BORCS5: variants seen among roughly 807,000 people sequenced by gnomAD.
BORCS5 encodes the protein BLOC-1-related complex subunit 5.
A neutral mutation model predicts 22.1 loss-of-function variants in BORCS5; 17 were observed. That is an observed-to-expected ratio of 0.77 (90% confidence interval 0.53 to 1.15). The LOEUF (loss-of-function observed/expected upper bound fraction) is 1.15, where lower values mean the gene tolerates loss of function less well. BORCS5 is among the 50% of genes most tolerant of loss of function. BORCS5 has a pLI of 0.00. For synonymous variants in BORCS5, 117 were observed against 99.8 expected, an observed-to-expected ratio of 1.17 and a Z score of -1.03; for missense variants, 247 against 253.2, an observed-to-expected ratio of 0.98 and a Z score of 0.17.
chr12:12,373,408 A>G (rs903192996), intron 2 of BORCS5, among the ~76,000 whole-genome samples: 1 of 152,176 alleles, frequency 6.6e-6, no homozygotes, highest in African/African-American at 2.4e-5. Flanking sequence ...AAGCTGGGAA[A>G]ATGGTAGGGC....
rs1405621824 is a variant in BORCS5 at position 12,471,016 on chromosome 12, A to G, written c.*5240A>G. Among the ~76,000 whole-genome samples the G allele has an allele frequency of 6.6e-6, 1 of 152,168 alleles. No individual in the cohort carries two copies. The highest frequency in any genetic ancestry group is 1.5e-5 in the Non-Finnish European group (1 of 68,028). ...CATTCTGGTCTTTGGAATTGTCATA[A>G]TTCTGACAGAGAACACAGACCATTA... On this transcript the variant is annotated 3_prime_UTR_variant, in exon 4 of 4. Coordinates refer to ENST00000314565, the MANE Select transcript of BORCS5 (RefSeq NM_058169.6).
intron 2 of BORCS5, among the ~76,000 whole-genome samples, chr12:12,421,271 T>G (rs1339023406): frequency 6.6e-6 from 1 of 152,176 alleles, no homozygotes; most frequent in Non-Finnish European, 1.5e-5. Flanking sequence ...CGCTGTTGAA[T>G]TTTGTTGAAG....
At chr12:12,439,077 C>T (rs1310525356) in intron 3 of BORCS5, among the ~76,000 whole-genome samples, 1 of 152,104 alleles carries the variant, frequency 6.6e-6, no homozygotes, top group African/African-American at 2.4e-5. Context: ...ATGACTGAGT[C>T]GTTTTGAAAG....
At position 12,375,701 on chromosome 12, in the gene BORCS5, C is replaced by T. The variant is rs534808407; in HGVS notation, c.202+14352C>T. Among the ~76,000 whole-genome samples, 283 of 152,246 alleles carry T rather than the reference C, an allele frequency of 1.9e-3. 1 individual carries two copies. Among genetic ancestry groups the T allele is most frequent in the South Asian group, 5.4e-3 (26 of 4,822 alleles). ...ATCAAAATTCAGTTTCACAGAAAGCCAGTGAAATGCAAAGTGACATTTTAA... is the reference window on the plus strand; with the variant it reads ...ATCAAAATTCAGTTTCACAGAAAGCTAGTGAAATGCAAAGTGACATTTTAA... On this transcript the variant is annotated intron_variant, in intron 2 of 3. Transcript: ENST00000314565.
chr12:12,457,573 G>A (rs1368067485), intron 3 of BORCS5, among the ~76,000 whole-genome samples: 1 of 152,090 alleles, frequency 6.6e-6, no homozygotes, highest in Non-Finnish European at 1.5e-5. Context: ...GGAGGCTGAG[G>A]CAGGAGAATG....
chr12:12,468,798 T>C lies in BORCS5; in HGVS notation c.*3022T>C, dbSNP rs552245834. On this transcript the variant is annotated 3_prime_UTR_variant, in exon 4 of 4. Transcript: ENST00000314565. ...GTCAAATAGGCCTCTATGTGCAGTCTCCTGGTTTCCCTGGTCAAAGTGGAA... is the reference window on the plus strand; with the variant it reads ...GTCAAATAGGCCTCTATGTGCAGTCCCCTGGTTTCCCTGGTCAAAGTGGAA... The C allele has an allele frequency of 6.6e-6, 1 of 152,298 alleles. No individual in the cohort carries two copies. Among genetic ancestry groups the C allele is most frequent in the Non-Finnish European group, 1.5e-5 (1 of 68,026 alleles). 9.4% of individuals were successfully genotyped at this position (152,298 alleles called of 1,614,324 possible). A position where few individuals can be genotyped will look rare whatever the true frequency, so the allele number is the denominator to read the frequency against.
intron 2 of BORCS5, among the ~76,000 whole-genome samples, chr12:12,369,150 A>G (rs1385168848): frequency 6.6e-6 from 1 of 152,152 alleles, no homozygotes; most frequent in African/African-American, 2.4e-5. Flanking sequence ...ATATTATTAT[A>G]TTGATCCTTC....
intron 2 of BORCS5, among the ~76,000 whole-genome samples, chr12:12,409,100 TTG>T (rs1941657098): frequency 5.3e-5 from 8 of 151,666 alleles, no homozygotes; most frequent in Non-Finnish European, 8.8e-5. Context: ...TCATTTTTTT[TTG>T]TTTGTTTTTG....
At chr12:12,384,292 AAT>A (rs1300551270) in intron 2 of BORCS5, among the ~76,000 whole-genome samples, 2 of 150,422 alleles carry the variant, frequency 1.3e-5, no homozygotes, top group Admixed American at 6.7e-5. Context: ...TGCTTTTTAA[AAT>A]ATATATATAA....
rs1465341064 is a variant in BORCS5, at chr12:12,357,097, C to A, written c.-355C>A. 6.5e-7 allele frequency: 1 copy of A among 1,534,334 alleles called. No individual in the cohort carries two copies. The highest frequency in any genetic ancestry group is 8.7e-7 in the Non-Finnish European group (1 of 1,145,908). On this transcript the variant is annotated 5_prime_UTR_variant, in exon 1 of 4. Coordinates refer to ENST00000314565, the MANE Select transcript of BORCS5 (RefSeq NM_058169.6). ...CCGCCCATCTGCGTCCCGGAAGGAG[C>A]GAGCTTGCGGAGCGTGAACCAGTGA...
chr12:12,463,808 G>A (rs894153097), intron 3 of BORCS5, among the ~76,000 whole-genome samples: 1 of 152,232 alleles, frequency 6.6e-6, no homozygotes, highest in Non-Finnish European at 1.5e-5. Context: ...CATCAGGTGT[G>A]AATCGGGGAT....
intron 2 of BORCS5, among the ~76,000 whole-genome samples, chr12:12,362,203 G>T (rs1383646356): frequency 6.6e-6 from 1 of 152,150 alleles, no homozygotes; most frequent in Non-Finnish European, 1.5e-5. Context: ...TTCAATGATT[G>T]GGGTAAGATA....
chr12:12,416,938 T>C (rs1226481548), intron 2 of BORCS5, among the ~76,000 whole-genome samples: 7 of 151,698 alleles, frequency 4.6e-5, no homozygotes, highest in African/African-American at 1.7e-4. Flanking sequence ...GGCGCCACCA[T>C]GCCTGGCTAC....
chr12:12,437,536 C>A (rs1051868207), intron 3 of BORCS5, among the ~76,000 whole-genome samples: 1 of 152,110 alleles, frequency 6.6e-6, no homozygotes, highest in African/African-American at 2.4e-5. Context: ...AAAACTAGTC[C>A]CATATAAAGA....
intron 2 of BORCS5, among the ~76,000 whole-genome samples, chr12:12,390,146 C>A (rs1415659524): frequency 6.6e-6 from 1 of 152,062 alleles, no homozygotes; most frequent in South Asian, 2.1e-4. Context: ...ATCTATCATT[C>A]CTTCAAGATT....
At position 12,373,270 on chromosome 12, in the gene BORCS5, G is replaced by C. The variant is rs368105564; in HGVS notation, c.202+11921G>C. Among the ~76,000 whole-genome samples the C allele has an allele frequency of 7.2e-5, 11 of 152,162 alleles. No individual in the cohort carries two copies. The East Asian group carries it at 1.3e-3, about 19-fold the overall frequency. On this transcript the variant is annotated intron_variant, in intron 2 of 3. Coordinates refer to ENST00000314565, the MANE Select transcript of BORCS5 (RefSeq NM_058169.6). ...TAGCACCTAAATCTTGTACTTCCCA[G>C]CCTCCAGAACTGTGAGAAATAAATG...
chr12:12,421,977 T>C (rs1317751089), intron 2 of BORCS5, among the ~76,000 whole-genome samples: 1 of 152,184 alleles, frequency 6.6e-6, no homozygotes, highest in African/African-American at 2.4e-5. Context: ...GGTTTATCAA[T>C]TTTGTTGATC....
chr12:12,423,497 T>A (rs1162244965), intron 2 of BORCS5, among the ~76,000 whole-genome samples: 1 of 148,902 alleles, frequency 6.7e-6, no homozygotes, highest in African/African-American at 2.5e-5. Flanking sequence ...TCTCCCTCAT[T>A]TTTGAAGGAT....
intron 3 of BORCS5, among the ~76,000 whole-genome samples, chr12:12,454,048 A>G (rs781404208): frequency 6.6e-6 from 1 of 152,232 alleles, no homozygotes; most frequent in Admixed American, 6.5e-5. Flanking sequence ...ATTTTATTCT[A>G]TGAATAGACC....
Sources: allele counts gnomAD v4.1 joint callset (sites outside exome capture counted in the v4.1 genomes callset), GRCh38; gene constraint gnomAD v4.1.1; transcripts MANE v1.5; gene names NCBI Gene and HGNC (gene_info 2026-07-23, HGNC 2026-07-21).